Variants in NBEA observed in about 807,000 individuals in gnomAD.
NBEA encodes the protein lysosomal-trafficking regulator 2.
NBEA carries 44 observed loss-of-function variants against 343.4 expected under a neutral mutation model. The ratio of observed to expected loss-of-function variants is 0.13; its 90% CI spans 0.10 to 0.16. The LOEUF is 0.16. Among genes scored for constraint, NBEA ranks in the 10% least tolerant of loss-of-function variants. The pLI, the probability that NBEA is intolerant of heterozygous loss-of-function variation, is 1.00. For synonymous variants in NBEA, 1,175 were observed against 1,238.7 expected, an observed-to-expected ratio of 0.95 and a Z score of 1.08; for missense variants, 2,555 against 3,631.3, an observed-to-expected ratio of 0.70 and a Z score of 7.62.
chr13:35,536,296 T>C (rs2078537057), intron 41 of NBEA, among the ~76,000 whole-genome samples: 1 of 152,184 alleles, frequency 6.6e-6, no homozygotes. Flanking sequence ...GGTAAATATT[T>C]TTTGAATAAA....
At chr13:35,557,664 G>T (rs1019370393) in intron 44 of NBEA, among the ~76,000 whole-genome samples, 13 of 151,990 alleles carry the variant, frequency 8.6e-5, no homozygotes. Flanking sequence ...TAAGCAATGG[G>T]ATAAAAATTA....
At chr13:35,194,662 A>G (rs890181365) in intron 30 of NBEA, among the ~76,000 whole-genome samples, 15 of 152,112 alleles carry the variant, frequency 9.9e-5, no homozygotes, top group African/African-American at 3.6e-4. Context: ...CGATTAAGTT[A>G]AGGACTGTTA....
chr13:35,570,113 A>G (rs1389552355), intron 45 of NBEA, among the ~76,000 whole-genome samples: 1 of 152,174 alleles, frequency 6.6e-6, no homozygotes, highest in Admixed American at 6.5e-5. Context: ...GGCTCACTGA[A>G]GCCTCCTCCT....
chr13:35,305,410 G>A (rs139791417), intron 35 of NBEA, among the ~76,000 whole-genome samples: 1 of 152,002 alleles, frequency 6.6e-6, no homozygotes, highest in African/African-American at 2.4e-5. Flanking sequence ...TTTTCTTATA[G>A]TATGTTTAGG....
intron 6 of NBEA, among the ~76,000 whole-genome samples, chr13:35,053,330 A>G (rs2063132317): frequency 6.6e-6 from 1 of 152,044 alleles, no homozygotes; most frequent in South Asian, 2.1e-4. Context: ...TTTGTCAAGC[A>G]TCTGTGCTGT....
At chr13:35,266,649 A>G (rs1566541554) in intron 34 of NBEA, among the ~76,000 whole-genome samples, 2 of 151,840 alleles carry the variant, frequency 1.3e-5, no homozygotes, top group Non-Finnish European at 3.0e-5. Flanking sequence ...TCATAGGTAT[A>G]GAGAGTGGAA....
rs372594009 is a variant in NBEA at position 35,615,588 on chromosome 13, G to A, written c.7449+9010G>A. On this transcript the variant is annotated intron_variant, in intron 48 of 58. Transcript: ENST00000379939. ...TTGAACTCCTGACCTCAGGTGATCC[G>A]CCTGCCTCAGCCTCCAAAAGTGCTG... Among the ~76,000 whole-genome samples the A allele has an allele frequency of 8.1e-3, 1,228 of 152,128 alleles. 16 individuals are homozygous for A. The highest frequency in any genetic ancestry group is 0.027 in the African/African-American group (1,130 of 41,516).
rs560195137 is a variant in NBEA, at chr13:35,174,733, A to G, written c.4554+1139A>G. Among the ~76,000 whole-genome samples, 6 of 152,246 alleles carry G rather than the reference A, an allele frequency of 3.9e-5. No individual in the cohort carries two copies. In the South Asian group the frequency reaches 6.2e-4, roughly 16 times the overall value. ...TGCCTGATATCATTTGTGTAGGCAT[A>G]GTAGACAGATAGGTACTTGAGGGCA... On this transcript the variant is annotated intron_variant, in intron 27 of 58. Transcript: ENST00000379939.
chr13:35,049,409 C>T (rs1312014209), intron 5 of NBEA, among the ~76,000 whole-genome samples: 3 of 151,804 alleles, frequency 2.0e-5, no homozygotes, highest in East Asian at 1.9e-4. Context: ...GTGTCTTCAA[C>T]TATACCAATG....
intron 46 of NBEA, among the ~76,000 whole-genome samples, chr13:35,590,398 T>C (rs1413722441): frequency 6.6e-6 from 1 of 152,186 alleles, no homozygotes; most frequent in Non-Finnish European, 1.5e-5. Flanking sequence ...CAGATCTTTT[T>C]AAAAGCTATT....
chr13:35,086,528 A>G (rs541647850), intron 10 of NBEA, among the ~76,000 whole-genome samples: 78 of 152,058 alleles, frequency 5.1e-4, no homozygotes, highest in South Asian at 3.5e-3. Context: ...GTGCCCACAT[A>G]TGAGTGAGAA....
At chr13:35,143,940 T>TA (rs1326132152) in intron 18 of NBEA, among the ~76,000 whole-genome samples, 1 of 151,638 alleles carries the variant, frequency 6.6e-6, no homozygotes, top group East Asian at 1.9e-4. Flanking sequence ...ACTTCTCTAA[T>TA]ACTGTTTCTT....
chr13:35,023,829 C>T (rs2061927562), intron 1 of NBEA, among the ~76,000 whole-genome samples: 1 of 152,060 alleles, frequency 6.6e-6, no homozygotes, highest in Non-Finnish European at 1.5e-5. Context: ...CTTTTTCTTC[C>T]ACCTTTTATT....
chr13:35,259,767 T>C (rs190165095), intron 34 of NBEA, among the ~76,000 whole-genome samples: 129 of 152,332 alleles, frequency 8.5e-4, no homozygotes, highest in African/African-American at 2.9e-3. Context: ...AAAGATCTCA[T>C]AACTTTCAAA....
At chr13:35,491,868 A>T (rs2076512384) in intron 41 of NBEA, among the ~76,000 whole-genome samples, 1 of 151,982 alleles carries the variant, frequency 6.6e-6, no homozygotes, top group Admixed American at 6.6e-5. Flanking sequence ...AATGCCAAAC[A>T]CAAGAGAGTT....
intron 1 of NBEA, among the ~76,000 whole-genome samples, chr13:34,943,380 G>A (rs2059092014): frequency 6.6e-6 from 1 of 152,040 alleles, no homozygotes; most frequent in Non-Finnish European, 1.5e-5. Context: ...TTTTAGGACC[G>A]CGAGTAACCC....
rs1238707898 is a variant in NBEA, at chr13:35,182,506, A to G, written c.4809A>G (p.Glu1603=). 4 of 1,609,812 alleles carry G rather than the reference A, an allele frequency of 2.5e-6. No homozygotes were observed. In the African/African-American group the frequency reaches 4.0e-5, roughly 16 times the overall value. Residue 1603 remains glutamate, a synonymous_variant, in exon 29 of 59, where the codon GAA becomes GAG. Transcript: ENST00000379939. ...GSQPGRNIRQ[E]INSPTSTVVV... ...AACCAGGTAGAAACATCAGGCAAGA[A>G]ATAAATTCACCAACAAGTACAGGTA...
rs147239922 is a variant in NBEA at position 35,492,113 on chromosome 13, A to G, written c.6585+19577A>G. Among the ~76,000 whole-genome samples the G allele has an allele frequency of 8.7e-4, 133 of 152,104 alleles. 3 individuals are homozygous for G. In the East Asian group the frequency reaches 0.023, roughly 26 times the overall value. On this transcript the variant is annotated intron_variant, in intron 41 of 58. Transcript: ENST00000379939. ...TCAGGAATGGAAAACCAAACATTGT[A>G]TGTTCTCACTCATAAGTGGGAGCTA... is the stretch of plus-strand genomic sequence containing the variant.
At chr13:35,086,825 T>G (rs1377423149) in intron 10 of NBEA, among the ~76,000 whole-genome samples, 3 of 152,028 alleles carry the variant, frequency 2.0e-5, no homozygotes, top group African/African-American at 7.2e-5. Context: ...TTTGTTCTAC[T>G]TATAATAGCT....
Sources: allele counts gnomAD v4.1 joint callset (sites outside exome capture counted in the v4.1 genomes callset), GRCh38; gene constraint gnomAD v4.1.1; transcripts MANE v1.5; gene names NCBI Gene and HGNC (gene_info 2026-07-23, HGNC 2026-07-21).